Variants in TLL2 observed in about 807,000 individuals in gnomAD.
TLL2 encodes the protein tolloid like 2, also known as tolloid-like protein 2.
In TLL2, 106 loss-of-function variants were observed where a neutral mutation model predicts 123.0. The observed-to-expected ratio is 0.86, with a 90% CI of 0.74 to 1.01. The LOEUF is 1.01. Ranked by LOEUF, TLL2 falls within the 50% of genes least tolerant of loss-of-function variation. The pLI is 0.00. For missense variants in TLL2, 1,332 were observed against 1,336.7 expected (o/e 1.00, Z 0.06); for synonymous variants, 494 against 516.8 (o/e 0.96, Z 0.60).
chr10:96,495,641 C>G (rs977900222), intron 1 of TLL2, among the ~76,000 whole-genome samples: 2 of 152,062 alleles, frequency 1.3e-5, no homozygotes, highest in Non-Finnish European at 2.9e-5. Flanking sequence ...AACCATGACC[C>G]TAAATTTCAG....
At chr10:96,396,114 C>T (rs2134062874) in intron 11 of TLL2, 94 bp from the exon 12 acceptor site, 1 of 1,494,848 alleles carries the variant, frequency 6.7e-7, no homozygotes, top group Non-Finnish European at 9.1e-7. Context: ...CAGCGCTTGC[C>T]ACCACTAGGT....
At chr10:96,379,197 A>G (rs1846164899) in intron 16 of TLL2, 105 bp from the exon 17 acceptor site, 1 of 1,407,832 alleles carries the variant, frequency 7.1e-7, no homozygotes, top group African/African-American at 1.4e-5. Context: ...AGCCTCTCTG[A>G]TTGCTCCCCT....
At chr10:96,394,794 G>C (rs1846321312) in intron 13 of TLL2, among the ~76,000 whole-genome samples, 1 of 152,150 alleles carries the variant, frequency 6.6e-6, no homozygotes, top group Non-Finnish European at 1.5e-5. Context: ...TAACTCACAG[G>C]GTTATTTGGG....
At chr10:96,432,217 T>A (rs532803598) in intron 4 of TLL2, among the ~76,000 whole-genome samples, 1 of 152,340 alleles carries the variant, frequency 6.6e-6, no homozygotes, top group African/African-American at 2.4e-5. Flanking sequence ...GTAACCCATT[T>A]GATTCTCAAA....
At chr10:96,393,916 C>T (rs532656402) in intron 13 of TLL2, among the ~76,000 whole-genome samples, 38 of 152,228 alleles carry the variant, frequency 2.5e-4, no homozygotes, top group African/African-American at 8.2e-4. Context: ...CCTCCACAGC[C>T]GTCCTTTCTT....
At chr10:96,374,622 GTT>G (rs748075880) in intron 18 of TLL2, 1 of 152,240 alleles carries the variant, frequency 6.6e-6, no homozygotes, top group Admixed American at 6.5e-5. Flanking sequence ...GGGAAAATGA[GTT>G]TTAGAGAAGC....
At chr10:96,500,088 C>T (rs1361638145) in intron 1 of TLL2, among the ~76,000 whole-genome samples, 1 of 134,634 alleles carries the variant, frequency 7.4e-6, no homozygotes, top group Non-Finnish European at 1.5e-5. Context: ...TGAGACCAGC[C>T]TGGCCAACAT....
At chr10:96,510,365 G>C (rs951918487) in intron 1 of TLL2, among the ~76,000 whole-genome samples, 1 of 152,156 alleles carries the variant, frequency 6.6e-6, no homozygotes, top group African/African-American at 2.4e-5. Context: ...ACCAGCCCCA[G>C]GCCAGGAGGG....
chr10:96,420,849 G>C, intron 7 of TLL2, 107 bp downstream of exon 7: 1 of 909,324 alleles, frequency 1.1e-6, no homozygotes, highest in Non-Finnish European at 1.8e-6. Flanking sequence ...CAGGCCAGCC[G>C]TGCTAGAAGC....
At chr10:96,476,240 A>ATATATATATATATATATATATATTCT in intron 2 of TLL2, among the ~76,000 whole-genome samples, 1 of 20,496 alleles carries the variant, frequency 4.9e-5, no homozygotes, top group Non-Finnish European at 1.0e-4. Context: ...ATATATATAT[A>ATATATATATATATATATATATATTCT]TTTTATTTTT....
chr10:96,448,469 T>C (rs1294213571), intron 2 of TLL2, among the ~76,000 whole-genome samples: 1 of 152,144 alleles, frequency 6.6e-6, no homozygotes, highest in Non-Finnish European at 1.5e-5. Context: ...ATCTGTCAAA[T>C]GGACTATTGC....
At chr10:96,395,469 C>A (rs1846331683) in intron 12 of TLL2, 87 bp from the exon 13 acceptor site, 1 of 1,375,888 alleles carries the variant, frequency 7.3e-7, no homozygotes, top group Non-Finnish European at 9.7e-7. Context: ...ATATCACTCT[C>A]AAAATCTAAC....
At chr10:96,457,207 G>A (rs1027265459) in intron 2 of TLL2, among the ~76,000 whole-genome samples, 1 of 152,138 alleles carries the variant, frequency 6.6e-6, no homozygotes, top group African/African-American at 2.4e-5. Flanking sequence ...GTATCTTGGT[G>A]ACCACACTGC....
chr10:96,466,860 C>A (rs1847137085), intron 2 of TLL2, among the ~76,000 whole-genome samples: 1 of 152,180 alleles, frequency 6.6e-6, no homozygotes. Context: ...GGCAAAAGAA[C>A]CAAAGGACTC....
At chr10:96,378,834 G>A in intron 17 of TLL2, 133 bp downstream of exon 17, 2 of 1,220,060 alleles carry the variant, frequency 1.6e-6, no homozygotes, top group Non-Finnish European at 2.3e-6. Flanking sequence ...CGCAAGGACA[G>A]CAGTTGCTGG....
At chr10:96,496,339 C>T (rs1427182840) in intron 1 of TLL2, among the ~76,000 whole-genome samples, 1 of 152,210 alleles carries the variant, frequency 6.6e-6, no homozygotes, top group Non-Finnish European at 1.5e-5. Flanking sequence ...ATGCTGGTAA[C>T]ATTCATAATC....
chr10:96,421,000 G>A lies in TLL2; in HGVS notation c.879C>T (p.Tyr293=), dbSNP rs187430873. The part of the protein sequence containing the change: ...AGEVSSLGET[Y]DFDSIMHYAR... ...CGTAGTGCATGATGCTGTCAAAGTC[G>A]TATGTCTCTCCCAGAGAGCTCACTT... is the stretch of plus-strand genomic sequence containing the variant. The change falls in exon 7 of 21, where the codon TAC becomes TAT. Residue 293 remains tyrosine, a synonymous_variant. Transcript: ENST00000357947. 3.5e-5 allele frequency: 56 copies of A among 1,614,060 alleles called. No homozygotes were observed. The Admixed American group carries it at 5.0e-4, about 14-fold the overall frequency.
intron 7 of TLL2, 87 bp from the exon 8 acceptor site, chr10:96,413,403 A>G (rs908293773): frequency 1.5e-5 from 22 of 1,508,626 alleles, no homozygotes; most frequent in Middle Eastern, 1.7e-4. Flanking sequence ...TCCCTTGCCC[A>G]TAACCCCATC....
At chr10:96,513,240 G>T (rs1485316351) in intron 1 of TLL2, among the ~76,000 whole-genome samples, 2 of 152,016 alleles carry the variant, frequency 1.3e-5, no homozygotes, top group Non-Finnish European at 2.9e-5. Flanking sequence ...GCCCCTGGGC[G>T]CCCTCTCGGC....
Sources: gnomAD v4.1 joint callset for allele counts (sites outside exome capture counted in the v4.1 genomes callset) on GRCh38, gnomAD v4.1.1 for gene constraint, MANE v1.5 for transcripts, NCBI Gene and HGNC (gene_info 2026-07-23, HGNC 2026-07-21) for gene names.